RFX3: variants seen among roughly 807,000 people sequenced by gnomAD.
RFX3 encodes transcription factor RFX3.
In RFX3, 14 loss-of-function variants were observed where a neutral mutation model predicts 98.6. The observed-to-expected ratio is 0.14, with a 90% CI of 0.09 to 0.22. The LOEUF is 0.22. Among genes scored for constraint, RFX3 ranks in the 10% least tolerant of loss-of-function variants. The probability of loss-of-function intolerance (pLI) is 1.00; values close to 1 mark genes in which losing one functional copy is unlikely to be tolerated. For synonymous variants in RFX3, 383 were observed against 328.4 expected (o/e 1.17, Z -1.80); for missense variants, 639 against 926.9 (o/e 0.69, Z 4.03).
chr9:3,396,610 C>T (rs1026592506), intron 1 of RFX3, among the ~76,000 whole-genome samples: 29 of 149,646 alleles, frequency 1.9e-4, no homozygotes, highest in Non-Finnish European at 3.9e-4. Flanking sequence ...CCTGAGGAAT[C>T]GCCACACTGA....
At position 3,301,530 on chromosome 9, in the gene RFX3, AG is replaced by A. The variant is rs1308200637; in HGVS notation, c.549+15del. 6.3e-7 allele frequency: 1 copy of A among 1,577,252 alleles called. No homozygotes were observed. Among genetic ancestry groups the A allele is most frequent in the Non-Finnish European group, 8.7e-7 (1 of 1,150,330 alleles). ...ACAAGCAAGAGATTAGTGTACATGA[AG>A]AAGAGGCAACTTACATGGCTGTTGA... is the stretch of plus-strand genomic sequence containing the variant. On this transcript the variant is annotated intron_variant, in intron 5 of 16. Transcript: ENST00000617270.
intron 1 of RFX3, among the ~76,000 whole-genome samples, chr9:3,410,922 T>A (rs1008435959): frequency 1.3e-5 from 2 of 152,206 alleles, no homozygotes; most frequent in Admixed American, 6.5e-5. Flanking sequence ...ATAAAAGCAG[T>A]ATTTCTGTAA....
chr9:3,498,552 A>C (rs1361903371), intron 1 of RFX3, among the ~76,000 whole-genome samples: 1 of 152,096 alleles, frequency 6.6e-6, no homozygotes, highest in African/African-American at 2.4e-5. Context: ...CTGTTTAAAA[A>C]TACTTCCCTG....
chr9:3,479,573 A>T (rs968222497), intron 1 of RFX3, among the ~76,000 whole-genome samples: 2 of 152,156 alleles, frequency 1.3e-5, no homozygotes, highest in African/African-American at 4.8e-5. Flanking sequence ...CCTGTTAACT[A>T]ATATGTGAAT....
intron 2 of RFX3, among the ~76,000 whole-genome samples, chr9:3,359,920 A>G (rs1469239896): frequency 6.6e-6 from 1 of 152,166 alleles, no homozygotes; most frequent in East Asian, 1.9e-4. Flanking sequence ...TATGTTAAAC[A>G]TTAATTTTTG....
chr9:3,524,169 T>C (rs140042598), intron 1 of RFX3, among the ~76,000 whole-genome samples: 2 of 152,316 alleles, frequency 1.3e-5, no homozygotes, highest in African/African-American at 4.8e-5. Context: ...ATATTTGTTT[T>C]AGCACACATT....
chr9:3,437,931 A>G (rs1432129951), intron 1 of RFX3, among the ~76,000 whole-genome samples: 2 of 152,090 alleles, frequency 1.3e-5, no homozygotes, highest in African/African-American at 4.8e-5. Flanking sequence ...AAGAATGGGT[A>G]GAGAGACAGA....
intron 2 of RFX3, among the ~76,000 whole-genome samples, chr9:3,365,067 C>T (rs1053086876): frequency 2.6e-5 from 4 of 151,906 alleles, no homozygotes; most frequent in African/African-American, 7.3e-5. Flanking sequence ...TTCGGGAGGC[C>T]GGGACAGGTG....
chr9:3,402,700 C>G (rs12343385), intron 1 of RFX3, among the ~76,000 whole-genome samples: 27,796 of 151,498 alleles, frequency 0.18, 3,965 homozygotes, highest in African/African-American at 0.4. Flanking sequence ...CTAATGCTCT[C>G]ATTCAGCATC....
At chr9:3,517,791 G>A (rs916412412) in intron 1 of RFX3, among the ~76,000 whole-genome samples, 1 of 152,144 alleles carries the variant, frequency 6.6e-6, no homozygotes, top group Non-Finnish European at 1.5e-5. Flanking sequence ...GTGGAACAAG[G>A]TTATAAATTT....
intron 2 of RFX3, among the ~76,000 whole-genome samples, chr9:3,351,907 T>C (rs1424706586): frequency 6.6e-6 from 1 of 152,000 alleles, no homozygotes; most frequent in Non-Finnish European, 1.5e-5. Context: ...AGGCATATCA[T>C]TTGACATTTT....
At chr9:3,258,965 T>C (rs1822506732) in intron 13 of RFX3, among the ~76,000 whole-genome samples, 1 of 151,966 alleles carries the variant, frequency 6.6e-6, no homozygotes, top group Non-Finnish European at 1.5e-5. Flanking sequence ...CTATTAGATA[T>C]TCTGCTTAGT....
chr9:3,419,041 AATTTT>A (rs1843221930), intron 1 of RFX3, among the ~76,000 whole-genome samples: 1 of 152,192 alleles, frequency 6.6e-6, no homozygotes, highest in Non-Finnish European at 1.5e-5. Context: ...TGAATATCTT[AATTTT>A]AATTTTGAAG....
chr9:3,492,960 C>T (rs1238717770), intron 1 of RFX3, among the ~76,000 whole-genome samples: 2 of 152,116 alleles, frequency 1.3e-5, no homozygotes, highest in Non-Finnish European at 1.5e-5. Context: ...TGATTCCCCA[C>T]ATCCTATTTA....
intron 1 of RFX3, among the ~76,000 whole-genome samples, chr9:3,479,711 G>A (rs1849580759): frequency 6.6e-6 from 1 of 152,150 alleles, no homozygotes; most frequent in African/African-American, 2.4e-5. Flanking sequence ...GTCTTACTTG[G>A]CTGACTGAGG....
intron 1 of RFX3, among the ~76,000 whole-genome samples, chr9:3,505,106 T>C (rs1564186454): frequency 1.0e-5 from 1 of 98,010 alleles, no homozygotes; most frequent in Non-Finnish European, 1.8e-5. Context: ...TTTAGATTTA[T>C]TTTATATTTT....
intron 1 of RFX3, among the ~76,000 whole-genome samples, chr9:3,451,531 G>C (rs866077202): frequency 6.6e-6 from 1 of 152,056 alleles, no homozygotes; most frequent in South Asian, 2.1e-4. Flanking sequence ...GCAACAGAGA[G>C]AGTCTCAAAA....
At chr9:3,345,003 T>C (rs1018847712) in intron 3 of RFX3, 1 of 576,688 alleles carries the variant, frequency 1.7e-6, no homozygotes, top group African/African-American at 2.0e-5. Context: ...CCTAAGCAAA[T>C]GTAAATAAAA....
rs560156431 is a variant in RFX3 at position 3,490,442 on chromosome 9, A to C, written c.-9+35305T>G. 8.4e-4 allele frequency: 168 copies of C among 199,630 alleles called. 2 individuals are homozygous for C. The South Asian group carries it at 0.028, about 33-fold the overall frequency. The allele number at this position is 199,630 out of a possible 1,614,324, so 12.4% of individuals were successfully genotyped here. On this transcript the variant is annotated intron_variant, in intron 1 of 16. Transcript: ENST00000617270. ...CTATTTAAAATTATTAAGTTTATAG[A>C]TAAGTATTAATTATATTAATTACAT...
Sources: gnomAD v4.1 joint callset for allele counts (sites outside exome capture counted in the v4.1 genomes callset) on GRCh38, gnomAD v4.1.1 for gene constraint, MANE v1.5 for transcripts, NCBI Gene and HGNC (gene_info 2026-07-23, HGNC 2026-07-21) for gene names.